ANKRD28: variants seen among roughly 807,000 people sequenced by gnomAD.
ANKRD28 encodes ankyrin repeat domain 28.
ANKRD28 carries 44 observed loss-of-function variants against 126.5 expected under a neutral mutation model. The observed-to-expected ratio is 0.35, with a 90% confidence interval of 0.27 to 0.45. The LOEUF (loss-of-function observed/expected upper bound fraction) is 0.45, where lower values mean the gene tolerates loss of function less well. Among genes scored for constraint, ANKRD28 ranks in the 20% least tolerant of loss-of-function variants. The pLI is 1.00. For synonymous variants in ANKRD28, 442 were observed against 468.5 expected (o/e 0.94, Z 0.73); for missense variants, 1,110 against 1,316.6 (o/e 0.84, Z 2.43).
chr3:15,686,263 T>C lies in ANKRD28; in HGVS notation c.2010A>G (p.Ala670=), dbSNP rs747607572. 16 of 1,593,150 alleles carry C rather than the reference T, an allele frequency of 1.0e-5. No individual in the cohort carries two copies. The African/African-American group carries it at 1.5e-4, about 15-fold the overall frequency. The change falls in exon 19 of 28, where the codon GCA becomes GCG. Residue 670 remains alanine, a synonymous_variant. Coordinates refer to ENST00000683139, the MANE Select transcript of ANKRD28 (RefSeq NM_001349278.2). ...SECLRLLIGN[A]EPQNAVDIQD... is the part of the protein sequence containing the mutation. ...GAATATCCACTGCATTCTGTGGTTC[T>C]GCATTTCCTATTAATAGCCGTAAGC...
In ANKRD28 at chr3:15,845,843, G is replaced by A. The variant is rs2061519090; in HGVS notation, c.27+13534C>T. 6.6e-6 allele frequency among the ~76,000 whole-genome samples: 1 copy of A among 152,018 alleles called. No individual in the cohort carries two copies. Among genetic ancestry groups the A allele is most frequent in the Non-Finnish European group, 1.5e-5 (1 of 68,010 alleles). On this transcript the variant is annotated intron_variant, in intron 1 of 27. Transcript: ENST00000399451. The surrounding 1 kb of genome is among the most constrained non-coding windows in gnomAD (Gnocchi z 4.9). ...TTAATATGGTGGAGCAGGAGGTAGG[G>A]GTATGTGCCACACACTTTAAACCAT... is the stretch of plus-strand genomic sequence containing the variant.
At chr3:15,781,239 T>A (rs1325667400) in intron 2 of ANKRD28, among the ~76,000 whole-genome samples, 1 of 152,106 alleles carries the variant, frequency 6.6e-6, no homozygotes, top group Non-Finnish European at 1.5e-5. Context: ...TAATTTTAGG[T>A]GTCCATCTGA....
chr3:15,743,580 A>ACACG lies in ANKRD28; in HGVS notation c.352-6348_352-6347insCGTG, dbSNP rs1553616155. Among the ~76,000 whole-genome samples the ACACG allele has an allele frequency of 5.2e-4, 79 of 150,570 alleles. 1 individual carries two copies. The highest frequency in any genetic ancestry group is 1.7e-3 in the Admixed American group (26 of 15,182). ...CACACACACACACACACACACACAC[A>ACACG]CACACACACACACGCACACCAAAAA... On this transcript the variant is annotated intron_variant, in intron 4 of 27. Coordinates refer to ENST00000683139, the MANE Select transcript of ANKRD28 (RefSeq NM_001349278.2).
chr3:15,743,513 G>A (rs962875096), intron 4 of ANKRD28, among the ~76,000 whole-genome samples: 2 of 148,830 alleles, frequency 1.3e-5, no homozygotes, highest in Non-Finnish European at 1.5e-5. Flanking sequence ...AATATAAGTC[G>A]TATGCTCTCC....
rs372312590 is a variant in ANKRD28 at position 15,720,937 on chromosome 3, T to A, written c.974A>T (p.Asn325Ile). The A allele has an allele frequency of 6.2e-7, 1 of 1,613,584 alleles. No homozygotes were observed. Among genetic ancestry groups the A allele is most frequent in the Non-Finnish European group, 8.5e-7 (1 of 1,179,752 alleles). Residue 325 changes from asparagine (N) to isoleucine (I), a missense_variant, in exon 8 of 28, where the codon AAT (asparagine) becomes ATT (isoleucine). Asn to Ile is a moderately radical substitution (Grantham distance 149). Coordinates refer to ENST00000683139, the MANE Select transcript of ANKRD28 (RefSeq NM_001349278.2). ...GALCLELLVG[N>I]GADVNMKSKD... ...TACCTTCATATTGACATCGGCCCCA[T>A]TGCCAACTAGAAGCTCTAAACACAA...
intron 23 of ANKRD28, 81 bp from the exon 24 acceptor site, chr3:15,678,435 G>A (rs1283108160): frequency 1.4e-6 from 2 of 1,382,268 alleles, no homozygotes; most frequent in Admixed American, 4.3e-5. Flanking sequence ...TTTGTGACAT[G>A]CTGTTTTTAA....
At chr3:15,807,629 A>C (rs991004498) in intron 1 of ANKRD28, among the ~76,000 whole-genome samples, 1 of 152,180 alleles carries the variant, frequency 6.6e-6, no homozygotes, top group Non-Finnish European at 1.5e-5. Context: ...GCAGACTACC[A>C]CTAGAGCAAT....
chr3:15,742,863 G>A (rs1001339046), intron 4 of ANKRD28, among the ~76,000 whole-genome samples: 5 of 147,094 alleles, frequency 3.4e-5, no homozygotes, highest in East Asian at 4.1e-4. Context: ...CCACCACCCC[G>A]TCTGGGAGGT....
chr3:15,783,253 C>T (rs751576024), intron 2 of ANKRD28, among the ~76,000 whole-genome samples: 11 of 151,746 alleles, frequency 7.2e-5, no homozygotes, highest in Non-Finnish European at 1.6e-4. Context: ...TTTGAAAAGA[C>T]ATTTCACCAA....
At chr3:15,841,260 G>T (rs2061420166) in intron 1 of ANKRD28, among the ~76,000 whole-genome samples, 1 of 152,140 alleles carries the variant, frequency 6.6e-6, no homozygotes, top group Admixed American at 6.5e-5. Flanking sequence ...AAACATCTGG[G>T]ACACTCTTCA....
Position 15,816,629 on chromosome 3 carries a change from C to A in ANKRD28, c.28-21323G>T, listed in dbSNP as rs116505264. On this transcript the variant is annotated intron_variant, in intron 1 of 27. Coordinates refer to the ANKRD28 transcript ENST00000399451. This position sits in a 1 kb window ranked among gnomAD's most constrained non-coding sequence, Gnocchi z 5.0. ...GTGTTTGGTGCCCTTTATTTTACTA[C>A]ACTATTTAACCCACTAGATGCTAAC... Among the ~76,000 whole-genome samples, 854 of 152,262 alleles carry A rather than the reference C, an allele frequency of 5.6e-3. 6 individuals carry two copies. Among genetic ancestry groups the A allele is most frequent in the African/African-American group, 0.02 (814 of 41,542 alleles).
intron 7 of ANKRD28, among the ~76,000 whole-genome samples, chr3:15,723,185 T>C (rs963982340): frequency 4.6e-5 from 7 of 152,184 alleles, no homozygotes; most frequent in African/African-American, 1.7e-4. Flanking sequence ...GGTACAGGAA[T>C]TGAGATTTTT....
In ANKRD28 at chr3:15,846,443, G is replaced by A. The variant is rs1440700018; in HGVS notation, c.27+12934C>T. 6.6e-6 allele frequency among the ~76,000 whole-genome samples: 1 copy of A among 152,246 alleles called. No homozygotes were observed. Among genetic ancestry groups the A allele is most frequent in the African/African-American group, 2.4e-5 (1 of 41,464 alleles). On this transcript the variant is annotated intron_variant, in intron 1 of 27. Coordinates refer to the ANKRD28 transcript ENST00000399451. The surrounding 1 kb of genome is among the most constrained non-coding windows in gnomAD (Gnocchi z 5.4). Reference sequence around the variant, plus strand: ...TGGGCAGCTCTGCCCCTGTGGCTCTGCAGGGTAAAGCCCCCGAGGCTGCTT... The same window carrying A: ...TGGGCAGCTCTGCCCCTGTGGCTCTACAGGGTAAAGCCCCCGAGGCTGCTT...
At chr3:15,822,306 T>TG (rs1294239677) in intron 1 of ANKRD28, among the ~76,000 whole-genome samples, 7 of 152,146 alleles carry the variant, frequency 4.6e-5, no homozygotes, top group Admixed American at 1.3e-4. Context: ...GGGGAGTTGT[T>TG]GGGGGGAGAT....
At chr3:15,820,787 T>C (rs1275928438) in intron 1 of ANKRD28, among the ~76,000 whole-genome samples, 2 of 152,126 alleles carry the variant, frequency 1.3e-5, no homozygotes, top group Non-Finnish European at 2.9e-5. Flanking sequence ...TATGATGATA[T>C]CACAAAAAAA....
At chr3:15,750,701 T>C (rs1034260403) in intron 4 of ANKRD28, among the ~76,000 whole-genome samples, 4 of 152,166 alleles carry the variant, frequency 2.6e-5, no homozygotes, top group African/African-American at 9.7e-5. Flanking sequence ...TAGTTCACAA[T>C]GAGGAATACA....
intron 21 of ANKRD28, chr3:15,684,159 C>T (rs1314533649): frequency 1.3e-5 from 2 of 152,198 alleles, no homozygotes; most frequent in African/African-American, 4.8e-5. Context: ...ATATAATGTA[C>T]TTGAGTTTTC....
intron 3 of ANKRD28, 56 bp from the exon 4 acceptor site, chr3:15,751,876 A>C: frequency 2.6e-6 from 3 of 1,171,042 alleles, no homozygotes; most frequent in Non-Finnish European, 3.7e-6. Flanking sequence ...ATTTTTAATA[A>C]ATCTCCTGAA....
At chr3:15,740,415 A>C (rs1156818222) in intron 4 of ANKRD28, among the ~76,000 whole-genome samples, 1 of 152,234 alleles carries the variant, frequency 6.6e-6, no homozygotes, top group African/African-American at 2.4e-5. Flanking sequence ...TACATATATG[A>C]ATACTCACAA....
Sources: gnomAD v4.1 joint callset for allele counts (sites outside exome capture counted in the v4.1 genomes callset) on GRCh38, gnomAD v4.1.1 for gene constraint, Gnocchi (gnomAD v3.1) non-coding constraint, MANE v1.5 for transcripts, NCBI Gene and HGNC (gene_info 2026-07-23, HGNC 2026-07-21) for gene names.